The following DGKD variants were observed in gnomAD, a reference collection of about 807,000 sequenced individuals.
DGKD encodes the protein diacylglycerol kinase delta.
Under a neutral mutation model 154.4 loss-of-function variants are expected in DGKD, and 68 were observed. The observed-to-expected ratio is 0.44, with a 90% confidence interval of 0.36 to 0.54. DGKD has a LOEUF of 0.54. DGKD is among the 20% of genes least tolerant of loss of function. The pLI, the probability that DGKD is intolerant of heterozygous loss-of-function variation, is 0.00. For synonymous variants in DGKD, 693 were observed against 638.0 expected, an observed-to-expected ratio of 1.09 and a Z score of -1.30; for missense variants, 1,343 against 1,593.6, an observed-to-expected ratio of 0.84 and a Z score of 2.68.
intron 9 of DGKD, among the ~76,000 whole-genome samples, chr2:233,439,547 C>G (rs1330193753): frequency 6.6e-6 from 1 of 152,132 alleles, no homozygotes; most frequent in Admixed American, 6.5e-5. Context: ...GTAGGCTGAT[C>G]AAGATATTTT....
At position 233,470,849 on chromosome 2, in the gene DGKD, G is replaced by A. The variant is rs1024952970; in HGVS notation, c.*1389G>A. 46 of 142,350 alleles carry A rather than the reference G, an allele frequency of 3.2e-4. No individual in the cohort carries two copies. Among genetic ancestry groups the A allele is most frequent in the Admixed American group, 2.8e-3 (39 of 14,076 alleles). 8.8% of individuals were successfully genotyped at this position (142,350 alleles called of 1,614,324 possible). On this transcript the variant is annotated 3_prime_UTR_variant, in exon 30 of 30. Coordinates refer to ENST00000264057, the MANE Select transcript of DGKD (RefSeq NM_152879.3). ...GGACAGTGTTGGGAGTATCTGCCGT[G>A]GCTTCTCTTTGGCTCCCAAAGAGAA...
rs1575121637 is a variant in DGKD, at chr2:233,438,802, C to T, written c.1085+423C>T. 6.7e-6 allele frequency among the ~76,000 whole-genome samples: 1 copy of T among 148,282 alleles called. No individual in the cohort carries two copies. The highest frequency in any genetic ancestry group is 1.9e-4 in the East Asian group (1 of 5,160). ...TCTATCTATCTATCTATCTATCTAT[C>T]TATCTATCTATCTGTGGGTGTATTT... On this transcript the variant is annotated intron_variant, in intron 9 of 29. Coordinates refer to ENST00000264057, the MANE Select transcript of DGKD (RefSeq NM_152879.3). The surrounding 1 kb of genome is among the most constrained non-coding windows in gnomAD (Gnocchi z 4.1).
In DGKD at chr2:233,448,523, A is replaced by G. The variant is rs1192341692; in HGVS notation, c.1614+148A>G. ...AAACGCACAGTAAAGGAAGACAAGA[A>G]TGAAGCAACAAAGAACGAAGGCAGG... On this transcript the variant is annotated intron_variant, in intron 14 of 29. Transcript: ENST00000264057. The G allele has an allele frequency of 9.9e-6, 7 of 705,006 alleles. No individual in the cohort carries two copies. In the African/African-American group the frequency reaches 1.3e-4, roughly 13 times the overall value. The allele number at this position is 705,006 out of a possible 1,614,324, so 43.7% of individuals were successfully genotyped here.
Position 233,468,509 on chromosome 2 carries a change from A to G in DGKD, c.3511A>G (p.Ile1171Val). The part of the protein sequence containing the change: ...EYKDIFTRHD[I>V]RGSELLHLER... ...TAAGGACATCTTCACACGGCACGACATCCGGGGCTCTGAGCTCCTGCACCT... is the reference window on the plus strand; with the variant it reads ...TAAGGACATCTTCACACGGCACGACGTCCGGGGCTCTGAGCTCCTGCACCT... Residue 1171 changes from isoleucine (I) to valine (V), a missense_variant, in exon 29 of 30, where the codon ATC becomes GTC. Physicochemically the swap from Ile to Val is conservative, Grantham distance 29 (BLOSUM62 3). This residue lies in a region of DGKD where 429 missense variants were observed against 496.3 expected (regional missense o/e 0.86). Coordinates refer to ENST00000264057, the MANE Select transcript of DGKD (RefSeq NM_152879.3). 6.2e-7 allele frequency: 1 copy of G among 1,613,672 alleles called. No individual in the cohort carries two copies. The highest frequency in any genetic ancestry group is 8.5e-7 in the Non-Finnish European group (1 of 1,179,942).
intron 1 of DGKD, among the ~76,000 whole-genome samples, chr2:233,380,499 G>A (rs1051218701): frequency 2.0e-5 from 3 of 152,206 alleles, no homozygotes; most frequent in African/African-American, 7.2e-5. Flanking sequence ...GAGACTACAC[G>A]TGTTCCCATA....
chr2:233,395,828 C>G (rs532924381), intron 3 of DGKD, among the ~76,000 whole-genome samples: 1 of 152,170 alleles, frequency 6.6e-6, no homozygotes, highest in East Asian at 1.9e-4. Flanking sequence ...GCCACCATGC[C>G]TGGCCAAGTT....
At chr2:233,446,277 TC>T (rs548417227) in intron 11 of DGKD, among the ~76,000 whole-genome samples, 83 of 152,210 alleles carry the variant, frequency 5.5e-4, no homozygotes, top group Non-Finnish European at 1.0e-3. Flanking sequence ...ATGAGATGCC[TC>T]CTAGCCTTCC....
chr2:233,406,817 G>A (rs1195559712), intron 3 of DGKD, among the ~76,000 whole-genome samples: 1 of 152,130 alleles, frequency 6.6e-6, no homozygotes, highest in Non-Finnish European at 1.5e-5. Context: ...CCTCCCGGTT[G>A]ATCTTTAGTT....
intron 3 of DGKD, among the ~76,000 whole-genome samples, chr2:233,419,878 G>T (rs1290003177): frequency 1.3e-5 from 2 of 152,152 alleles, no homozygotes; most frequent in African/African-American, 2.4e-5. Flanking sequence ...GGTTTGTGGA[G>T]GGGTGTGTGT....
At position 233,471,349 on chromosome 2, in the gene DGKD, G is replaced by T. The variant is rs1413925910; in HGVS notation, c.*1889G>T. On this transcript the variant is annotated 3_prime_UTR_variant, in exon 30 of 30. Coordinates refer to ENST00000264057, the MANE Select transcript of DGKD (RefSeq NM_152879.3). ...TTTCCCCAGAACATTGTAGATGGGG[G>T]TTGGCAGAGGGAGAAATAAGCCAGC... The T allele has an allele frequency of 1.3e-5, 2 of 152,382 alleles. No individual in the cohort carries two copies. The highest frequency in any genetic ancestry group is 2.9e-5 in the Non-Finnish European group (2 of 68,062). 9.4% of individuals were successfully genotyped at this position (152,382 alleles called of 1,614,324 possible).
intron 1 of DGKD, among the ~76,000 whole-genome samples, chr2:233,372,624 C>T (rs1384958387): frequency 2.6e-5 from 4 of 151,170 alleles, no homozygotes; most frequent in African/African-American, 9.7e-5. Flanking sequence ...TTTTTTCTTA[C>T]ATTTAAGGGA....
rs751427302 is a variant in DGKD, at chr2:233,451,033, C to T, written c.2150C>T (p.Thr717Ile). The change falls in exon 17 of 30, where the codon ACC (threonine) becomes ATC (isoleucine). Residue 717 changes from threonine to isoleucine, a missense_variant. Physicochemically the swap from Thr to Ile is moderately conservative, Grantham distance 89. Transcript: ENST00000264057. ...CGGGACGGCCTGCCTGCGCTCAACA[C>T]CAAGATCCTGTACCCAAGTGAGTGG... ...GSRDGLPALNTKILYPNVRAG... is the reference protein window; with the variant it reads ...GSRDGLPALNIKILYPNVRAG... The T allele has an allele frequency of 1.2e-6, 2 of 1,611,216 alleles. No individual in the cohort carries two copies. The highest frequency in any genetic ancestry group is 3.3e-5 in the Admixed American group (2 of 59,988).
intron 1 of DGKD, among the ~76,000 whole-genome samples, chr2:233,368,854 T>C (rs1194960923): frequency 6.6e-6 from 1 of 152,258 alleles, no homozygotes; most frequent in African/African-American, 2.4e-5. Flanking sequence ...TATGTTGCGA[T>C]CTGTTTTCAT....
intron 27 of DGKD, among the ~76,000 whole-genome samples, chr2:233,464,755 G>A (rs2063775776): frequency 6.6e-6 from 1 of 152,220 alleles, no homozygotes; most frequent in African/African-American, 2.4e-5. Flanking sequence ...GAGGACGCAG[G>A]GCATAGCGGA....
rs748161332 is a variant in DGKD at position 233,469,352 on chromosome 2, G to A, written c.3556-19G>A. The A allele has an allele frequency of 1.1e-5, 18 of 1,600,388 alleles. No individual in the cohort carries two copies. In the East Asian group the frequency reaches 1.4e-4, roughly 12 times the overall value. ...TGGCTGTCTTCTCGGCATCCATGGC[G>A]GTGTCTTCTCTGTTGCAGGACCTGG... On this transcript the variant is annotated intron_variant, in intron 29 of 29. Coordinates refer to ENST00000264057, the MANE Select transcript of DGKD (RefSeq NM_152879.3).
chr2:233,398,174 GCT>G (rs2061468211), intron 3 of DGKD, among the ~76,000 whole-genome samples: 1 of 142,706 alleles, frequency 7.0e-6, no homozygotes, highest in African/African-American at 2.6e-5. Context: ...ATGGAGTCTC[GCT>G]CTGTTGCCCA....
chr2:233,434,756 T>G lies in DGKD; in HGVS notation c.454-13T>G. 1 of 1,600,078 alleles carries G rather than the reference T, an allele frequency of 6.2e-7. No individual in the cohort carries two copies. The highest frequency in any genetic ancestry group is 8.5e-7 in the Non-Finnish European group (1 of 1,173,406). On this transcript the variant is annotated splice_polypyrimidine_tract_variant and intron_variant, in intron 4 of 29. Coordinates refer to ENST00000264057, the MANE Select transcript of DGKD (RefSeq NM_152879.3). ...GAAGTCTTATCTTTGCCCTCTTGGT[T>G]TCGTTCTTCCAGCCCACCCAGTACA...
At chr2:233,451,844 G>T in intron 17 of DGKD, 120 bp from the exon 18 acceptor site, 18 of 832,094 alleles carry the variant, frequency 2.2e-5, no homozygotes. Flanking sequence ...CATAATTTTA[G>T]AAACATTTAA....
chr2:233,403,693 G>A (rs2061612550), intron 3 of DGKD, among the ~76,000 whole-genome samples: 1 of 151,070 alleles, frequency 6.6e-6, no homozygotes, highest in African/African-American at 2.4e-5. Flanking sequence ...AGGCCGGAGT[G>A]TAGTGGCGCG....
Sources: gnomAD v4.1 joint callset for allele counts (sites outside exome capture counted in the v4.1 genomes callset) on GRCh38, gnomAD v4.1.1 for gene constraint, gnomAD v4.1.1 regional missense constraint, Gnocchi (gnomAD v3.1) non-coding constraint, MANE v1.5 for transcripts, NCBI Gene and HGNC (gene_info 2026-07-23, HGNC 2026-07-21) for gene names.